The following NRSN1 variants were observed in gnomAD, a reference collection of about 807,000 sequenced individuals.
The protein encoded by NRSN1 is neurensin-1.
In NRSN1, 14 loss-of-function variants were observed where a neutral mutation model predicts 17.3. The ratio of observed to expected loss-of-function variants is 0.81; its 90% confidence interval spans 0.54 to 1.27. The LOEUF (loss-of-function observed/expected upper bound fraction) is 1.27. Ranked by LOEUF, NRSN1 falls within the 50% of genes most tolerant of loss-of-function variation. The pLI is 0.00. For synonymous variants in NRSN1, 79 were observed against 94.2 expected, an observed-to-expected ratio of 0.84 and a Z score of 0.93; for missense variants, 209 against 235.9, an observed-to-expected ratio of 0.89 and a Z score of 0.75.
chr6:24,139,276 G>C (rs934713916), intron 3 of NRSN1, among the ~76,000 whole-genome samples: 21 of 152,188 alleles, frequency 1.4e-4, no homozygotes, highest in Non-Finnish European at 4.4e-5. Flanking sequence ...AAGCCATGTG[G>C]TATAATTTCT....
intron 2 of NRSN1, chr6:24,129,101 G>A (rs1759992573): frequency 6.6e-6 from 1 of 152,212 alleles, no homozygotes; most frequent in South Asian, 2.1e-4. Flanking sequence ...CACACATAGT[G>A]ATATCACAAT....
chr6:24,141,181 C>A (rs2113716517), intron 3 of NRSN1: 1 of 1,264,710 alleles, frequency 7.9e-7, no homozygotes, highest in Non-Finnish European at 1.0e-6. Context: ...TTTAAACAAC[C>A]TCTGCATTGC....
intron 2 of NRSN1, 137 bp downstream of exon 2, chr6:24,128,337 CTT>C (rs1425140214): frequency 6.6e-6 from 1 of 152,138 alleles, no homozygotes; most frequent in Non-Finnish European, 1.5e-5. Flanking sequence ...AAAAATGAAT[CTT>C]GAAGAATTAA....
In NRSN1 at chr6:24,134,384, T is replaced by C. The variant is rs761543125; in HGVS notation, c.57T>C (p.Gly19=). 1.2e-6 allele frequency: 2 copies of C among 1,613,988 alleles called. No individual in the cohort carries two copies. Among genetic ancestry groups the C allele is most frequent in the Non-Finnish European group, 1.7e-6 (2 of 1,179,996 alleles). ...GGCAGGCACAGGCTGCAGCTGAGGGTGGTTACCAGCGCTATGGAGTCCGGT... is the reference window on the plus strand; with the variant it reads ...GGCAGGCACAGGCTGCAGCTGAGGGCGGTTACCAGCGCTATGGAGTCCGGT... ...GSRQAQAAAE[G]GYQRYGVRSY... is the part of the protein sequence containing the mutation. The change falls in exon 3 of 4, where the codon GGT becomes GGC. Residue 19 remains glycine, a synonymous_variant. Coordinates refer to ENST00000378491, the MANE Select transcript of NRSN1 (RefSeq NM_080723.5).
intron 2 of NRSN1, 70 bp from the exon 3 acceptor site, chr6:24,134,249 C>T: frequency 7.9e-7 from 1 of 1,264,276 alleles, no homozygotes; most frequent in Non-Finnish European, 1.1e-6. Flanking sequence ...CTGGTTCTTA[C>T]CTTTCATATG....
Position 24,146,078 on chromosome 6 carries a change from T to C in NRSN1, c.*132T>C. 1 of 945,526 alleles carries C rather than the reference T, an allele frequency of 1.1e-6. No individual in the cohort carries two copies. Among genetic ancestry groups the C allele is most frequent in the Non-Finnish European group, 1.7e-6 (1 of 579,340 alleles). 58.6% of individuals were successfully genotyped at this position (945,526 alleles called of 1,614,324 possible). ...GTTCAGCTGTGGGCAATATAATGGGTGGACTCACACTTGCTCAGTTCAGGC... is the reference window on the plus strand; with the variant it reads ...GTTCAGCTGTGGGCAATATAATGGGCGGACTCACACTTGCTCAGTTCAGGC... On this transcript the variant is annotated 3_prime_UTR_variant, in exon 4 of 4. Coordinates refer to ENST00000378491, the MANE Select transcript of NRSN1 (RefSeq NM_080723.5).
intron 3 of NRSN1, chr6:24,140,795 T>A: frequency 8.2e-7 from 1 of 1,220,528 alleles, no homozygotes; most frequent in East Asian, 3.2e-5. Context: ...TCAGGCCTCA[T>A]CAGCTCACTG....
At chr6:24,132,059 CAGTT>C (rs1345527938) in intron 2 of NRSN1, among the ~76,000 whole-genome samples, 1 of 152,090 alleles carries the variant, frequency 6.6e-6, no homozygotes, top group African/African-American at 2.4e-5. Context: ...CAGGAGCTAA[CAGTT>C]AGTTGGTTTT....
rs73725100 is a variant in NRSN1, at chr6:24,141,461, G to A, written c.190-4087G>A. 1,113 of 199,652 alleles carry A rather than the reference G, an allele frequency of 5.6e-3. 14 individuals are homozygous for A. The highest frequency in any genetic ancestry group is 0.022 in the African/African-American group (967 of 43,222). 12.4% of individuals were successfully genotyped at this position (199,652 alleles called of 1,614,324 possible). ...TTTAACATGTCTGGAATTCCCCAAT[G>A]GGTGCATCTCTCAGAGATTCTCATT... On this transcript the variant is annotated intron_variant, in intron 3 of 3. Transcript: ENST00000378491.
At chr6:24,139,421 G>A (rs1016013059) in intron 3 of NRSN1, among the ~76,000 whole-genome samples, 3 of 152,234 alleles carry the variant, frequency 2.0e-5, no homozygotes, top group African/African-American at 7.2e-5. Flanking sequence ...AGACAGAAAA[G>A]ATTCAAGAGA....
At chr6:24,127,435 G>A (rs1325134783) in intron 1 of NRSN1, among the ~76,000 whole-genome samples, 1 of 152,166 alleles carries the variant, frequency 6.6e-6, no homozygotes, top group African/African-American at 2.4e-5. Context: ...AATTCTTAAT[G>A]ATCCCATAAA....
intron 3 of NRSN1, among the ~76,000 whole-genome samples, chr6:24,140,211 C>T (rs1264100671): frequency 6.6e-6 from 1 of 152,120 alleles, no homozygotes; most frequent in Non-Finnish European, 1.5e-5. Flanking sequence ...GAAGACTAAG[C>T]GTGGCTGTCA....
rs1317843222 is a variant in NRSN1, at chr6:24,132,595, A to G, written c.-9-1724A>G. 2.0e-5 allele frequency among the ~76,000 whole-genome samples: 3 copies of G among 152,148 alleles called. No homozygotes were observed. The East Asian group carries it at 5.8e-4, about 29-fold the overall frequency. On this transcript the variant is annotated intron_variant, in intron 2 of 3. Coordinates refer to ENST00000378491, the MANE Select transcript of NRSN1 (RefSeq NM_080723.5). ...TTTATTTGAAAACACAAAAATAACCACCTTCATTTATATTCAAACAGTGTG... is the reference window on the plus strand; with the variant it reads ...TTTATTTGAAAACACAAAAATAACCGCCTTCATTTATATTCAAACAGTGTG...
intron 2 of NRSN1, chr6:24,129,582 T>C (rs1759997921): frequency 1.3e-5 from 2 of 152,118 alleles, no homozygotes; most frequent in Non-Finnish European, 2.9e-5. Flanking sequence ...GACAAGGGGA[T>C]AGAAAGTAAT....
At position 24,145,711 on chromosome 6, in the gene NRSN1, C is replaced by G. The variant is rs145576324; in HGVS notation, c.353C>G (p.Ala118Gly). 5.0e-6 allele frequency: 8 copies of G among 1,614,100 alleles called. No individual in the cohort carries two copies. Among genetic ancestry groups the G allele is most frequent in the Non-Finnish European group, 6.8e-6 (8 of 1,180,034 alleles). ...AGTGCTCTGGACATGTACAAGCTGG[C>G]AGGAGCTGTTCTCTTCTGCATTGGA... The part of the protein sequence containing the change: ...FNSALDMYKL[A>G]GAVLFCIGGT... The change falls in exon 4 of 4, where the codon GCA (alanine) becomes GGA (glycine). Residue 118 changes from alanine to glycine, a missense_variant. Transcript: ENST00000378491. This position sits in a 1 kb window ranked among gnomAD's most constrained non-coding sequence, Gnocchi z 4.4.
chr6:24,134,004 T>TTGTGTGTGTGTGTG (rs71002461), intron 2 of NRSN1, among the ~76,000 whole-genome samples: 9,035 of 132,752 alleles, frequency 0.068, 430 homozygotes, highest in East Asian at 0.11. Context: ...ACCCAGCTAA[T>TTGTGTGTGTGTGTG]TGTGTGTGTG....
chr6:24,128,243 G>A (rs933071129), intron 2 of NRSN1, 43 bp downstream of exon 2: 5 of 152,140 alleles, frequency 3.3e-5, no homozygotes, highest in Admixed American at 6.5e-5. Flanking sequence ...TAAGCACCCT[G>A]TGTATGCATG....
chr6:24,132,740 A>G (rs755173519), intron 2 of NRSN1, among the ~76,000 whole-genome samples: 1 of 152,154 alleles, frequency 6.6e-6, no homozygotes, highest in Non-Finnish European at 1.5e-5. Flanking sequence ...GGCTTGTTAC[A>G]TAGGTATACA....
chr6:24,129,511 G>A (rs1039983722), intron 2 of NRSN1: 1 of 152,174 alleles, frequency 6.6e-6, no homozygotes, highest in Non-Finnish European at 1.5e-5. Flanking sequence ...CAGACCATAA[G>A]TAAATAAACC....
Sources: gnomAD v4.1 joint callset for allele counts (sites outside exome capture counted in the v4.1 genomes callset) on GRCh38, gnomAD v4.1.1 for gene constraint, Gnocchi (gnomAD v3.1) non-coding constraint, MANE v1.5 for transcripts, NCBI Gene and HGNC (gene_info 2026-07-23, HGNC 2026-07-21) for gene names.